GFM1: variants seen among roughly 807,000 people sequenced by gnomAD.
The protein encoded by GFM1 is G elongation factor mitochondrial 1.
A neutral mutation model predicts 96.2 loss-of-function variants in GFM1; 62 were observed. The observed-to-expected ratio is 0.64, with a 90% CI of 0.53 to 0.80. GFM1 has a LOEUF of 0.80. Among genes scored for constraint, GFM1 ranks in the 30% least tolerant of loss-of-function variants. The pLI, the probability that GFM1 is intolerant of heterozygous loss-of-function variation, is 0.00. For missense variants in GFM1, 852 were observed against 916.6 expected, an observed-to-expected ratio of 0.93 and a Z score of 0.91; for synonymous variants, 282 against 312.9, an observed-to-expected ratio of 0.90 and a Z score of 1.04.
In GFM1 at chr3:158,662,361, G is replaced by A. The variant is rs9878187; in HGVS notation, c.1324-267G>A. 0.42 allele frequency among the ~76,000 whole-genome samples: 63,242 copies of A among 152,056 alleles called. 14,304 individuals carry two copies. The highest frequency in any genetic ancestry group is 0.6 in the African/African-American group (24,935 of 41,480). ...TATTTGGATTAATTGTAGTGATTAT[G>A]TTAAACAGGGCAATAAATACATTCA... On this transcript the variant is annotated intron_variant, in intron 10 of 17. Transcript: ENST00000486715.
At chr3:158,690,911 G>A (rs955782575) in intron 16 of GFM1, among the ~76,000 whole-genome samples, 1 of 152,236 alleles carries the variant, frequency 6.6e-6, no homozygotes, top group African/African-American at 2.4e-5. Context: ...ACTCCACGAA[G>A]TGGAAAGATT....
At chr3:158,671,090 T>C in intron 13 of GFM1, 10 of 1,373,768 alleles carry the variant, frequency 7.3e-6, no homozygotes, top group Non-Finnish European at 9.5e-6. Context: ...GTTAGAAGTA[T>C]GCATCTCATT....
chr3:158,680,560 C>T lies in GFM1; in HGVS notation c.1602-1435C>T, dbSNP rs547636764. Among the ~76,000 whole-genome samples, 30 of 152,230 alleles carry T rather than the reference C, an allele frequency of 2.0e-4. No individual in the cohort carries two copies. In the South Asian group the frequency reaches 6.2e-3, roughly 32 times the overall value. ...TAGTTTATATCTTTTTTGTATTAGC[C>T]TTCTAGAAGAATGTTTAAGATGCTT... On this transcript the variant is annotated intron_variant, in intron 13 of 17. Coordinates refer to ENST00000486715, the MANE Select transcript of GFM1 (RefSeq NM_024996.7).
chr3:158,671,000 T>C (rs1483536165), intron 13 of GFM1: 2 of 1,537,958 alleles, frequency 1.3e-6, no homozygotes, highest in Non-Finnish European at 1.7e-6. Context: ...GTGATACTTA[T>C]GTCCTCTTCC....
chr3:158,652,051 A>G, intron 5 of GFM1, 45 bp from the exon 6 acceptor site: 1 of 1,536,342 alleles, frequency 6.5e-7, no homozygotes, highest in Non-Finnish European at 9.0e-7. Flanking sequence ...TCCTTCATAT[A>G]TTAAGTTGAA....
rs145683266 is a variant in GFM1 at position 158,673,924 on chromosome 3, A to G, written c.1601+7538A>G. Among the ~76,000 whole-genome samples the G allele has an allele frequency of 1.4e-3, 207 of 148,512 alleles. 1 individual carries two copies. The highest frequency in any genetic ancestry group is 5.2e-3 in the African/African-American group (203 of 39,236). On this transcript the variant is annotated intron_variant, in intron 13 of 17. Transcript: ENST00000486715. Reference sequence around the variant, plus strand: ...CTTTGGCCTCAGTTTCATGCTTATTATTGTCTCCTGGGATTTGGGGGTTCT... The same window carrying G: ...CTTTGGCCTCAGTTTCATGCTTATTGTTGTCTCCTGGGATTTGGGGGTTCT...
In GFM1 at chr3:158,645,739, A is replaced by G. The variant is rs1576720639; in HGVS notation, c.192A>G (p.Glu64=). The G allele has an allele frequency of 6.2e-7, 1 of 1,613,038 alleles. No homozygotes were observed. The change falls in exon 2 of 18, where the codon GAA becomes GAG. Residue 64 remains glutamate (E), a synonymous_variant. Coordinates refer to ENST00000486715, the MANE Select transcript of GFM1 (RefSeq NM_024996.7). ...ATTCTGGGAAAACTACATTAACAGA[A>G]CGAGTCCTTTACTACACTGGCAGAA... The part of the protein sequence containing the change: ...HIDSGKTTLT[E]RVLYYTGRIA...
At chr3:158,687,829 G>A (rs60942689) in intron 15 of GFM1, among the ~76,000 whole-genome samples, 26,900 of 151,866 alleles carry the variant, frequency 0.18, 2,460 homozygotes, top group Non-Finnish European at 0.22. Context: ...TAGATTTGAA[G>A]TAAAAATAAA....
chr3:158,647,246 T>C (rs1721894590), intron 4 of GFM1, among the ~76,000 whole-genome samples: 1 of 152,202 alleles, frequency 6.6e-6, no homozygotes, highest in South Asian at 2.1e-4. Context: ...GAAGTTATAA[T>C]CTAGATTCTA....
chr3:158,665,971 C>G (rs1413267028), intron 12 of GFM1, among the ~76,000 whole-genome samples: 2 of 152,094 alleles, frequency 1.3e-5, no homozygotes, highest in Non-Finnish European at 2.9e-5. Context: ...GAGATCTTAT[C>G]TTTGAAGTTG....
rs567643300 is a variant in GFM1, at chr3:158,695,449, G to A, written c.*3982G>A. The A allele has an allele frequency of 2.0e-5, 3 of 152,128 alleles. No homozygotes were observed. The East Asian group carries it at 5.8e-4, about 29-fold the overall frequency. The allele number at this position is 152,128 out of a possible 1,614,324, so 9.4% of individuals were successfully genotyped here. ...TGGTGATACTGATAAATTTTTAGTTGGTTTAACTTTTTGGGTTTTGTAAAT... is the reference window on the plus strand; with the variant it reads ...TGGTGATACTGATAAATTTTTAGTTAGTTTAACTTTTTGGGTTTTGTAAAT... On this transcript the variant is annotated 3_prime_UTR_variant, in exon 18 of 18. Coordinates refer to ENST00000486715, the MANE Select transcript of GFM1 (RefSeq NM_024996.7).
intron 13 of GFM1, chr3:158,669,708 G>T: frequency 8.4e-7 from 1 of 1,184,016 alleles, no homozygotes; most frequent in Non-Finnish European, 1.2e-6. Flanking sequence ...TCCTAATGGT[G>T]TTGTTTTAGA....
chr3:158,683,853 A>T (rs1725609936), intron 14 of GFM1, among the ~76,000 whole-genome samples: 1 of 152,204 alleles, frequency 6.6e-6, no homozygotes. Context: ...CCCTTAACTA[A>T]TATGCTTTTC....
rs955540678 is a variant in GFM1, at chr3:158,657,473, A to G, written c.1084-1449A>G. The G allele has an allele frequency of 2.0e-5, 3 of 152,202 alleles. No homozygotes were observed. In the South Asian group the frequency reaches 6.2e-4, roughly 31 times the overall value. The allele number at this position is 152,202 out of a possible 1,614,324, so 9.4% of individuals were successfully genotyped here. On this transcript the variant is annotated intron_variant, in intron 8 of 17. Transcript: ENST00000486715. ...ACTGATTTAACAAATGAAGAATTCT[A>G]TTGTAATCTTTTATCTTGATGAAAT...
chr3:158,690,922 T>A (rs763673070), intron 16 of GFM1, among the ~76,000 whole-genome samples: 1 of 152,242 alleles, frequency 6.6e-6, no homozygotes, highest in Non-Finnish European at 1.5e-5. Flanking sequence ...TGGAAAGATT[T>A]GGTTTCTGGT....
intron 8 of GFM1, among the ~76,000 whole-genome samples, chr3:158,655,498 A>AAT (rs1722676172): frequency 6.6e-6 from 1 of 151,654 alleles, no homozygotes; most frequent in Non-Finnish European, 1.5e-5. Context: ...AAAAAAAAAA[A>AAT]GAAAATGCCC....
At position 158,693,911 on chromosome 3, in the gene GFM1, C is replaced by T. The variant is rs1726457999; in HGVS notation, c.*2444C>T. On this transcript the variant is annotated 3_prime_UTR_variant, in exon 18 of 18. Transcript: ENST00000486715. The stretch of plus-strand genomic sequence containing the variant: ...AAAGACCGCTGAAATATTGCCTGCA[C>T]TGCGCTTAAGCCCAAGACATGAAAT... 1.3e-5 allele frequency: 2 copies of T among 152,150 alleles called. No individual in the cohort carries two copies. Among genetic ancestry groups the T allele is most frequent in the African/African-American group, 4.8e-5 (2 of 41,434 alleles). The allele number at this position is 152,150 out of a possible 1,614,324, so 9.4% of individuals were successfully genotyped here.
chr3:158,690,631 A>G (rs1726231746), intron 16 of GFM1: 2 of 360,448 alleles, frequency 5.5e-6, no homozygotes, highest in Admixed American at 9.1e-5. Context: ...TATCTCTCTC[A>G]TTTTAGCTTT....
chr3:158,660,894 C>G lies in GFM1; in HGVS notation c.1242C>G (p.Ala414=). Residue 414 remains alanine, a synonymous_variant, in exon 10 of 18, where the codon GCC becomes GCG. Transcript: ENST00000486715. ...TTTAGGATGTTGAGGAAGTATATGC[C>G]GGAGACATCTGTGCATTGTTTGGCA... The part of the protein sequence containing the change: ...DMMEDVEEVY[A]GDICALFGID... 6.2e-7 allele frequency: 1 copy of G among 1,613,540 alleles called. No homozygotes were observed. Among genetic ancestry groups the G allele is most frequent in the South Asian group, 1.1e-5 (1 of 91,072 alleles).
Sources: gnomAD v4.1 joint callset for allele counts (sites outside exome capture counted in the v4.1 genomes callset) on GRCh38, gnomAD v4.1.1 for gene constraint, MANE v1.5 for transcripts, NCBI Gene and HGNC (gene_info 2026-07-23, HGNC 2026-07-21) for gene names.